TNIP1: variants seen among roughly 807,000 people sequenced by gnomAD.
The protein encoded by TNIP1 is TNFAIP3 interacting protein 1.
A neutral mutation model predicts 86.6 loss-of-function variants in TNIP1; 22 were observed. The ratio of observed to expected loss-of-function variants is 0.25; its 90% CI spans 0.18 to 0.36. The LOEUF is 0.36. TNIP1 is among the 10% of genes least tolerant of loss of function. The pLI is 1.00. For synonymous variants in TNIP1, 294 were observed against 313.0 expected, an observed-to-expected ratio of 0.94 and a Z score of 0.64; for missense variants, 709 against 820.6, an observed-to-expected ratio of 0.86 and a Z score of 1.66.
At chr5:151,080,089 C>T (rs1763834912) in intron 1 of TNIP1, 1 of 152,244 alleles carries the variant, frequency 6.6e-6, no homozygotes, top group African/African-American at 2.4e-5. Flanking sequence ...GCACAAAATT[C>T]CCATCTGCTC....
chr5:151,045,793 A>G lies in TNIP1; in HGVS notation c.936+68T>C, dbSNP rs891372715. ...CCTGCCAGAGCCAGGAGGCCAGGGC[A>G]AGCCTTTGTGCTGCTGGTCCCGGGA... is the stretch of plus-strand genomic sequence containing the variant. On this transcript the variant is annotated intron_variant, in intron 9 of 17. Transcript: ENST00000521591. 4 of 1,538,312 alleles carry G rather than the reference A, an allele frequency of 2.6e-6. No individual in the cohort carries two copies. The African/African-American group carries it at 4.1e-5, about 16-fold the overall frequency.
chr5:151,056,712 G>T, intron 6 of TNIP1, 54 bp downstream of exon 6: 1 of 1,425,108 alleles, frequency 7.0e-7, no homozygotes. Flanking sequence ...GGTGGGAAGA[G>T]CTCGGGGGGA....
intron 5 of TNIP1, 95 bp downstream of exon 5, chr5:151,060,223 G>T: frequency 7.5e-7 from 1 of 1,333,750 alleles, no homozygotes; most frequent in Non-Finnish European, 1.1e-6. Flanking sequence ...GGTACCTAAG[G>T]GATCTGAACA....
At chr5:151,065,711 C>T (rs1018409054) in intron 1 of TNIP1, among the ~76,000 whole-genome samples, 3 of 152,010 alleles carry the variant, frequency 2.0e-5, no homozygotes, top group Non-Finnish European at 2.9e-5. Flanking sequence ...CAACCCAGTC[C>T]AAAGTTCCAT....
At chr5:151,046,002 C>A in intron 8 of TNIP1, 52 bp from the exon 9 acceptor site, 1 of 1,576,880 alleles carries the variant, frequency 6.3e-7, no homozygotes, top group Middle Eastern at 1.7e-4. Context: ...CAAATTATCT[C>A]ACCCAGTCTC....
chr5:151,032,019 A>G lies in TNIP1; in HGVS notation c.1876+268T>C, dbSNP rs1467679273. ...TCCCTCATTAGACATTACGCTGTAT[A>G]AGGGCAAGGACTGTATCTGCTTCTG... On this transcript the variant is annotated intron_variant, in intron 17 of 17. Transcript: ENST00000521591. 4 of 439,616 alleles carry G rather than the reference A, an allele frequency of 9.1e-6. No individual in the cohort carries two copies. In the Admixed American group the frequency reaches 1.7e-4, roughly 18 times the overall value. The allele number at this position is 439,616 out of a possible 1,614,324, so 27.2% of individuals were successfully genotyped here.
Position 151,032,364 on chromosome 5 carries a change from A to G in TNIP1, c.1799T>C (p.Leu600Pro). ...TGGATTTCGAACCCCTCCACAGGGT[A>G]GACGCCAGGTGTATTCCGGCTGCGA... ...LFHLPEYTWRLPCGGVRNPNQ... is the reference protein window; with the variant it reads ...LFHLPEYTWRPPCGGVRNPNQ... Residue 600 changes from leucine (L) to proline (P), a missense_variant, in exon 17 of 18, where the codon CTA becomes CCA. By Grantham distance (98) the Leu-to-Pro change is moderately conservative (BLOSUM62 -3). Transcript: ENST00000521591. The G allele has an allele frequency of 6.2e-7, 1 of 1,614,152 alleles. No individual in the cohort carries two copies. Among genetic ancestry groups the G allele is most frequent in the Non-Finnish European group, 8.5e-7 (1 of 1,180,016 alleles).
chr5:151,030,361 G>T lies in TNIP1; in HGVS notation c.*352C>A. The T allele has an allele frequency of 4.5e-6, 2 of 447,560 alleles. No individual in the cohort carries two copies. The highest frequency in any genetic ancestry group is 8.4e-6 in the Non-Finnish European group (2 of 238,880). 27.7% of individuals were successfully genotyped at this position (447,560 alleles called of 1,614,324 possible). A position where few individuals can be genotyped will look rare whatever the true frequency, so the allele number is the denominator to read the frequency against. On this transcript the variant is annotated 3_prime_UTR_variant, in exon 18 of 18. Transcript: ENST00000521591. ...GAGGGCCTGAAACCACTTCCGGGAGGTTTTGAAGGAAGGGGGTCTTGGCTG... is the reference window on the plus strand; with the variant it reads ...GAGGGCCTGAAACCACTTCCGGGAGTTTTTGAAGGAAGGGGGTCTTGGCTG...
intron 1 of TNIP1, among the ~76,000 whole-genome samples, chr5:151,066,856 C>T (rs182503442): frequency 6.6e-6 from 1 of 152,304 alleles, no homozygotes; most frequent in Non-Finnish European, 1.5e-5. Flanking sequence ...GAGGGGCAGA[C>T]AGGGAGTTCA....
At chr5:151,081,441 C>T (rs932288272), upstream of TNIP1, among the ~76,000 whole-genome samples, 2 of 152,132 alleles carry the variant, frequency 1.3e-5, no homozygotes, top group African/African-American at 4.8e-5. Flanking sequence ...AAGCATTTGG[C>T]CCTAAGCCAG....
chr5:151,079,651 G>A (rs1277068600), intron 1 of TNIP1, among the ~76,000 whole-genome samples: 1 of 151,946 alleles, frequency 6.6e-6, no homozygotes, highest in African/African-American at 2.4e-5. Context: ...AATGAGATAC[G>A]GAATGTAAGC....
upstream of TNIP1, among the ~76,000 whole-genome samples, chr5:151,085,223 C>T (rs913473877): frequency 4.6e-4 from 70 of 152,184 alleles, no homozygotes; most frequent in Admixed American, 1.1e-3. Context: ...AACTCTGTGC[C>T]TTGGTTTCTT....
intron 15 of TNIP1, chr5:151,034,779 G>A (rs1008117655): frequency 4.8e-5 from 27 of 561,450 alleles, no homozygotes; most frequent in South Asian, 9.8e-5. Context: ...ACATGGGCAC[G>A]GAAGGTTGCT....
In TNIP1 at chr5:151,079,851, A is replaced by C. The variant is rs537324602; in HGVS notation, c.-37+1029T>G. Among the ~76,000 whole-genome samples the C allele has an allele frequency of 9.9e-5, 15 of 152,274 alleles. No homozygotes were observed. In the South Asian group the frequency reaches 2.9e-3, roughly 29 times the overall value. Reference sequence around the variant, plus strand: ...TCTGAGTCCCCTTTTCTGACCTCTCATCAGATGCCGAATTCCCCTCTATCA... The same window carrying C: ...TCTGAGTCCCCTTTTCTGACCTCTCCTCAGATGCCGAATTCCCCTCTATCA... On this transcript the variant is annotated intron_variant, in intron 1 of 17. Coordinates refer to ENST00000521591, the MANE Select transcript of TNIP1 (RefSeq NM_006058.5).
At chr5:151,046,083 A>C in intron 8 of TNIP1, 133 bp from the exon 9 acceptor site, 1 of 712,822 alleles carries the variant, frequency 1.4e-6, no homozygotes. Context: ...ACCCAGCAGG[A>C]CACCACTAAC....
chr5:151,061,884 TAGTA>T (rs1761615067), intron 4 of TNIP1, among the ~76,000 whole-genome samples: 1 of 152,182 alleles, frequency 6.6e-6, no homozygotes, highest in Non-Finnish European at 1.5e-5. Context: ...GTATACAACT[TAGTA>T]AGTGAGAAGA....
intron 9 of TNIP1, among the ~76,000 whole-genome samples, chr5:151,045,212 T>A (rs1758991588): frequency 6.6e-6 from 1 of 152,070 alleles, no homozygotes; most frequent in South Asian, 2.1e-4. Context: ...CCTGCCTCAG[T>A]CTGAGTGGGT....
rs1758632405 is a variant in TNIP1, at chr5:151,042,920, G to A, written c.978C>T (p.Ser326=). The change falls in exon 10 of 18, where the codon TCC becomes TCT. Residue 326 remains serine, a synonymous_variant. Coordinates refer to ENST00000521591, the MANE Select transcript of TNIP1 (RefSeq NM_006058.5). ...VNKQWDQHFR[S]MKQQYEQKIT... is the part of the protein sequence containing the mutation. Reference sequence around the variant, plus strand: ...CCTTCTGCTCATACTGCTGCTTCATGGACCGGAAATGCTGGTCCCACTGCT... The same window carrying A: ...CCTTCTGCTCATACTGCTGCTTCATAGACCGGAAATGCTGGTCCCACTGCT... 6.2e-6 allele frequency: 10 copies of A among 1,614,154 alleles called. No homozygotes were observed. In the East Asian group the frequency reaches 2.2e-4, roughly 36 times the overall value.
At chr5:151,048,238 CGAGG>C (rs1432147833) in intron 8 of TNIP1, among the ~76,000 whole-genome samples, 17 of 152,090 alleles carry the variant, frequency 1.1e-4, no homozygotes, top group Admixed American at 1.1e-3. Context: ...TGAACCTCCG[CGAGG>C]GAGAGAGGAG....
Sources: allele counts gnomAD v4.1 joint callset (sites outside exome capture counted in the v4.1 genomes callset), GRCh38; gene constraint gnomAD v4.1.1; transcripts MANE v1.5; gene names NCBI Gene and HGNC (gene_info 2026-07-23, HGNC 2026-07-21).